The following SYAP1 variants were observed in gnomAD, a reference collection of about 807,000 sequenced individuals.
The protein encoded by SYAP1 is synapse-associated protein 1.
In SYAP1, 3 loss-of-function variants were observed where a neutral mutation model predicts 29.6. The ratio of observed to expected loss-of-function variants is 0.10; its 90% CI spans 0.05 to 0.26. The LOEUF (loss-of-function observed/expected upper bound fraction) is 0.26. Among genes scored for constraint, SYAP1 ranks in the 10% least tolerant of loss-of-function variants. The probability of loss-of-function intolerance (pLI) is 1.00; values close to 1 mark genes in which losing one functional copy is unlikely to be tolerated. For synonymous variants in SYAP1, 102 were observed against 102.7 expected (o/e 0.99, Z 0.04); for missense variants, 217 against 264.1 (o/e 0.82, Z 1.24).
rs927461900 is a variant in SYAP1, at chrX:16,762,010, G to A, written c.*1651G>A. On this transcript the variant is annotated 3_prime_UTR_variant, in exon 9 of 9. Transcript: ENST00000380155. ...TCTCTTGGGTTATAGCAGTAAACCC[G>A]TGTATTCCATGAAACCACTGGGCCC... 8.1e-5 allele frequency: 9 copies of A among 111,665 alleles called. No homozygotes were observed. Among genetic ancestry groups the A allele is most frequent in the African/African-American group, 2.3e-4 (7 of 30,713 alleles). The allele number at this position is 111,665 out of a possible 1,213,427, so 9.2% of individuals were successfully genotyped here.
intron 1 of SYAP1, among the ~76,000 whole-genome samples, chrX:16,724,626 G>A (rs771265095): frequency 2.0e-4 from 22 of 111,674 alleles, no homozygotes; most frequent in African/African-American, 6.2e-4. Context: ...TCTCTTCCAC[G>A]CTTCCTCTCC....
At position 16,719,626 on chromosome X, in the gene SYAP1, C is replaced by T; in HGVS notation, c.-99C>T. ...GCGGCTGCGGTGTTCCTCCGACTTC[C>T]GGACATCTCCCTGGGAGTCGCGCAG... is the stretch of plus-strand genomic sequence containing the variant. On this transcript the variant is annotated 5_prime_UTR_variant, in exon 1 of 9. Transcript: ENST00000380155. The T allele has an allele frequency of 9.9e-7, 1 of 1,006,127 alleles. No homozygotes were observed. The highest frequency in any genetic ancestry group is 1.3e-6 in the Non-Finnish European group (1 of 763,980). The allele number at this position is 1,006,127 out of a possible 1,213,427, so 82.9% of individuals were successfully genotyped here.
At chrX:16,723,845 C>CT (rs1926021903) in intron 1 of SYAP1, among the ~76,000 whole-genome samples, 1 of 111,344 alleles carries the variant, frequency 9.0e-6, no homozygotes, top group African/African-American at 3.3e-5. Context: ...TCTTCAAGCC[C>CT]TTGTCAACTT....
chrX:16,720,927 C>T (rs978206569), intron 1 of SYAP1, among the ~76,000 whole-genome samples: 11 of 110,287 alleles, frequency 1.0e-4, no homozygotes, highest in Non-Finnish European at 1.9e-5. Flanking sequence ...GCAGGAGAAT[C>T]GCTTGAACTG....
At chrX:16,736,499 TTTCTC>T in intron 3 of SYAP1, 1 of 250,021 alleles carries the variant, frequency 4.0e-6, no homozygotes, top group Non-Finnish European at 7.2e-6. Flanking sequence ...CAGTTCTGAC[TTTCTC>T]TTTTCTTTTC....
chrX:16,738,446 G>A (rs1161769461), intron 3 of SYAP1, among the ~76,000 whole-genome samples: 1 of 111,155 alleles, frequency 9.0e-6, no homozygotes. Context: ...CAGTCAGCAA[G>A]GGTAAGTAAT....
At chrX:16,730,354 A>G (rs756488925) in intron 1 of SYAP1, among the ~76,000 whole-genome samples, 1 of 112,929 alleles carries the variant, frequency 8.9e-6, no homozygotes, top group Non-Finnish European at 1.9e-5. Flanking sequence ...ACTCTGTCTC[A>G]GAAAAAGAAA....
chrX:16,728,685 A>G lies in SYAP1; in HGVS notation c.176-6542A>G, dbSNP rs775091041. On this transcript the variant is annotated intron_variant, in intron 1 of 8. Coordinates refer to ENST00000380155, the MANE Select transcript of SYAP1 (RefSeq NM_032796.4). ...ACCTCAAAAAAAAAACTAAATAAAG[A>G]GGACCAAAACAAGACAACAATTGTT... 1.0e-4 allele frequency among the ~76,000 whole-genome samples: 11 copies of G among 109,291 alleles called. No individual in the cohort carries two copies. The South Asian group carries it at 2.4e-3, about 23-fold the overall frequency. 94.9% of individuals were successfully genotyped at this position (109,291 alleles called of 115,157 possible).
chrX:16,757,032 T>C (rs1926856556), intron 7 of SYAP1, 130 bp from the exon 8 acceptor site: 6 of 844,683 alleles, frequency 7.1e-6, no homozygotes, highest in Non-Finnish European at 8.5e-6. Context: ...AGAGCAGTGC[T>C]CATTGTCTTA....
rs1219927362 is a variant in SYAP1, at chrX:16,719,875, C to G, written c.151C>G (p.Leu51Val). The change falls in exon 1 of 9, where the codon CTC becomes GTC. Residue 51 changes from leucine to valine, a missense_variant. Physicochemically the swap from Leu to Val is conservative, Grantham distance 32. Transcript: ENST00000380155. ...GCAGCAAGCGGGAGACCAGGAGCTCCTCCACCAGGCCAAAGACTTCGGCAG... is the reference window on the plus strand; with the variant it reads ...GCAGCAAGCGGGAGACCAGGAGCTCGTCCACCAGGCCAAAGACTTCGGCAG... ...ELQQAGDQEL[L>V]HQAKDFGNYL... 2.5e-6 allele frequency: 3 copies of G among 1,189,179 alleles called. No homozygotes were observed. In the African/African-American group the frequency reaches 5.3e-5, roughly 21 times the overall value.
rs746963652 is a variant in SYAP1 at position 16,759,191 on chromosome X, C to CA, written c.932-1025dup. ...TGGGCAACAGAGCAAGACTCCGTCT[C>CA]AAAAAAAAAAAAAAAATACAAAAAT... On this transcript the variant is annotated intron_variant, in intron 8 of 8. Coordinates refer to ENST00000380155, the MANE Select transcript of SYAP1 (RefSeq NM_032796.4). Among the ~76,000 whole-genome samples, 524 of 76,375 alleles carry CA rather than the reference C, an allele frequency of 6.9e-3. 4 individuals carry two copies. Among genetic ancestry groups the CA allele is most frequent in the African/African-American group, 8.9e-3 (181 of 20,331 alleles). The allele number at this position is 76,375 out of a possible 115,157, so 66.3% of individuals were successfully genotyped here.
intron 8 of SYAP1, among the ~76,000 whole-genome samples, chrX:16,758,681 T>C (rs1359498050): frequency 2.7e-5 from 3 of 109,891 alleles, no homozygotes; most frequent in Non-Finnish European, 5.7e-5. Context: ...AGGACTAAAT[T>C]GTAAGATCCC....
At chrX:16,725,943 A>G (rs1338646451) in intron 1 of SYAP1, among the ~76,000 whole-genome samples, 2 of 112,182 alleles carry the variant, frequency 1.8e-5, no homozygotes, top group African/African-American at 6.5e-5. Context: ...TTTATTTCCA[A>G]AAGAACCCTC....
chrX:16,721,566 C>T (rs771528225), intron 1 of SYAP1, among the ~76,000 whole-genome samples: 3 of 111,741 alleles, frequency 2.7e-5, no homozygotes, highest in Admixed American at 9.5e-5. Context: ...CTTGCTCTGT[C>T]GCCCAGGCTG....
Position 16,728,964 on chromosome X carries a change from G to A in SYAP1, c.176-6263G>A, listed in dbSNP as rs970508501. Among the ~76,000 whole-genome samples the A allele has an allele frequency of 2.8e-5, 3 of 106,666 alleles. No homozygotes were observed. The Admixed American group carries it at 3.1e-4, about 11-fold the overall frequency. 92.6% of individuals were successfully genotyped at this position (106,666 alleles called of 115,157 possible). A position where few individuals can be genotyped will look rare whatever the true frequency, so the allele number is the denominator to read the frequency against. On this transcript the variant is annotated intron_variant, in intron 1 of 8. Transcript: ENST00000380155. ...TGAGGCAGGAGAATTGCTTCAACCC[G>A]GGAGGCAGAGGTTGCAGTGAGCCGA...
At chrX:16,727,648 A>C (rs1216087177) in intron 1 of SYAP1, among the ~76,000 whole-genome samples, 1 of 110,926 alleles carries the variant, frequency 9.0e-6, no homozygotes, top group Non-Finnish European at 1.9e-5. Flanking sequence ...TGGTAAGATA[A>C]GACCTTTTTA....
chrX:16,734,996 C>CAAAAAAAAAAAAA (rs1213395857), intron 1 of SYAP1, among the ~76,000 whole-genome samples: 3 of 9,915 alleles, frequency 3.0e-4, no homozygotes, highest in Non-Finnish European at 3.7e-4. Flanking sequence ...GAGACTGTCT[C>CAAAAAAAAAAAAA]AAAAAAAAAA....
chrX:16,729,993 A>G (rs142143363), intron 1 of SYAP1, among the ~76,000 whole-genome samples: 64 of 111,731 alleles, frequency 5.7e-4, no homozygotes, highest in East Asian at 5.3e-3. Flanking sequence ...TAATCTTTTT[A>G]CCAAAAGCAT....
chrX:16,747,406 T>A (rs1338435153), intron 5 of SYAP1, among the ~76,000 whole-genome samples: 2 of 111,950 alleles, frequency 1.8e-5, no homozygotes, highest in African/African-American at 6.5e-5. Context: ...CAGATGCCCT[T>A]TACACTTGCA....
Sources: gnomAD v4.1 joint callset for allele counts (sites outside exome capture counted in the v4.1 genomes callset) on GRCh38, gnomAD v4.1.1 for gene constraint, MANE v1.5 for transcripts, NCBI Gene and HGNC (gene_info 2026-07-23, HGNC 2026-07-21) for gene names.